GGT7: variants seen among roughly 807,000 people sequenced by gnomAD.
GGT7 encodes gamma-glutamyltransferase 7.
A neutral mutation model predicts 69.2 loss-of-function variants in GGT7; 30 were observed. That is an observed-to-expected ratio of 0.43 (90% CI 0.32 to 0.59). The LOEUF is 0.59. Ranked by LOEUF, GGT7 falls within the 20% of genes least tolerant of loss-of-function variation. The probability of loss-of-function intolerance (pLI) is 0.05; values close to 1 mark genes in which losing one functional copy is unlikely to be tolerated. For missense variants in GGT7, 733 were observed against 901.1 expected (o/e 0.81, Z 2.39); for synonymous variants, 388 against 391.8 (o/e 0.99, Z 0.12).
rs2079640683 is a variant in GGT7, at chr20:34,863,684, C to T, written c.170-136G>A. 2.7e-6 allele frequency: 2 copies of T among 745,592 alleles called. No individual in the cohort carries two copies. The highest frequency in any genetic ancestry group is 4.9e-6 in the Non-Finnish European group (2 of 411,676). The allele number at this position is 745,592 out of a possible 1,614,324, so 46.2% of individuals were successfully genotyped here. On this transcript the variant is annotated intron_variant, in intron 1 of 14. Coordinates refer to ENST00000336431, the MANE Select transcript of GGT7 (RefSeq NM_178026.3). This position sits in a 1 kb window ranked among gnomAD's most constrained non-coding sequence, Gnocchi z 4.4. ...GCACTGGCTAGCACTACTCACCTTT[C>T]CTCATTTTCGCGTGCACCCCAGGAC...
At chr20:34,857,681 G>A (rs1030406075) in intron 7 of GGT7, among the ~76,000 whole-genome samples, 1 of 142,580 alleles carries the variant, frequency 7.0e-6, no homozygotes, top group Non-Finnish European at 1.5e-5. Flanking sequence ...GCAGTGGCAC[G>A]ATCATGGCTC....
chr20:34,855,821 G>A (rs2079482755), intron 8 of GGT7, among the ~76,000 whole-genome samples: 2 of 151,608 alleles, frequency 1.3e-5, no homozygotes, highest in Non-Finnish European at 1.5e-5. Flanking sequence ...GTGTGATAAT[G>A]GTCTCACTCT....
intron 1 of GGT7, among the ~76,000 whole-genome samples, chr20:34,864,285 G>A (rs2079652947): frequency 6.6e-6 from 1 of 152,108 alleles, no homozygotes; most frequent in African/African-American, 2.4e-5. Context: ...GAGTATGTGT[G>A]TGGAATGTTC....
At chr20:34,862,210 G>A (rs190394581) in intron 3 of GGT7, among the ~76,000 whole-genome samples, 2 of 152,290 alleles carry the variant, frequency 1.3e-5, no homozygotes, top group Middle Eastern at 3.4e-3. Flanking sequence ...TCTATTCCAC[G>A]CCAGGTAACT....
rs2079466746 is a variant in GGT7 at position 34,854,921 on chromosome 20, G to A, written c.1105C>T (p.His369Tyr). The A allele has an allele frequency of 6.2e-7, 1 of 1,613,512 alleles. No homozygotes were observed. The highest frequency in any genetic ancestry group is 1.3e-5 in the African/African-American group (1 of 74,996). Residue 369 changes from histidine to tyrosine, a missense_variant and splice_region_variant, in exon 9 of 15, where the codon CAC (histidine) becomes TAC (tyrosine). Transcript: ENST00000336431. Reference protein sequence around the residue: ...EKPVCGVYRGHLVLSPPPPHT... With the variant: ...EKPVCGVYRGYLVLSPPPPHT... ...GGAGGTGGGGGACTAAGAACCAGGT[G>A]GCCTGAAAGGACAGGAAGTGACTGA...
chr20:34,869,312 C>G (rs1371121624), intron 1 of GGT7, among the ~76,000 whole-genome samples: 1 of 152,064 alleles, frequency 6.6e-6, no homozygotes, highest in East Asian at 1.9e-4. Flanking sequence ...GGACTACAGA[C>G]AGGCATGCAC....
intron 1 of GGT7, among the ~76,000 whole-genome samples, chr20:34,870,641 T>C (rs1374888042): frequency 6.6e-6 from 1 of 151,812 alleles, no homozygotes; most frequent in East Asian, 1.9e-4. Flanking sequence ...ATTTTTTTTT[T>C]TTGTATTTTT....
At chr20:34,859,375 T>A in intron 7 of GGT7, 68 bp downstream of exon 7, 1 of 1,242,330 alleles carries the variant, frequency 8.0e-7, no homozygotes, top group Non-Finnish European at 1.1e-6. Flanking sequence ...AAGGAAAAAA[T>A]GCGGACGCGG....
intron 1 of GGT7, among the ~76,000 whole-genome samples, chr20:34,865,430 T>G (rs925959288): frequency 6.6e-6 from 1 of 152,204 alleles, no homozygotes; most frequent in Non-Finnish European, 1.5e-5. Flanking sequence ...CCTCAAGTGA[T>G]CCACTCACCT....
rs2079526550 is a variant in GGT7 at position 34,858,194 on chromosome 20, A to C, written c.1014+1249T>G. Reference sequence around the variant, plus strand: ...GAAGGAAAAATGCTCTTTCTCTGGGATAGCTTGCTGGAAGGATGGCCTGAT... The same window carrying C: ...GAAGGAAAAATGCTCTTTCTCTGGGCTAGCTTGCTGGAAGGATGGCCTGAT... On this transcript the variant is annotated intron_variant, in intron 7 of 14. Transcript: ENST00000336431. 3.3e-5 allele frequency among the ~76,000 whole-genome samples: 5 copies of C among 152,284 alleles called. No individual in the cohort carries two copies. The South Asian group carries it at 1.0e-3, about 32-fold the overall frequency.
intron 7 of GGT7, 87 bp downstream of exon 7, chr20:34,859,356 G>C: frequency 1.1e-6 from 1 of 951,332 alleles, no homozygotes; most frequent in Non-Finnish European, 1.5e-6. Context: ...GGGAGGGAGG[G>C]AGGGAAGGAA....
chr20:34,850,520 G>A (rs41290904), intron 13 of GGT7, among the ~76,000 whole-genome samples: 3,336 of 152,202 alleles, frequency 0.022, 59 homozygotes, highest in Non-Finnish European at 0.034. Context: ...TCTGGGCTTC[G>A]GTTTCCTTAT....
At chr20:34,868,684 C>CAGT (rs1321422636) in intron 1 of GGT7, among the ~76,000 whole-genome samples, 1 of 152,166 alleles carries the variant, frequency 6.6e-6, no homozygotes, top group Non-Finnish European at 1.5e-5. Flanking sequence ...TACCTCTGTG[C>CAGT]AGTAACAGGC....
At chr20:34,852,675 A>T (rs2079418526) in intron 10 of GGT7, 137 bp from the exon 11 acceptor site, 1 of 688,606 alleles carries the variant, frequency 1.5e-6, no homozygotes, top group East Asian at 3.1e-5. Context: ...TGAGTGCAGA[A>T]GCTCATTAAT....
intron 14 of GGT7, among the ~76,000 whole-genome samples, chr20:34,847,133 G>T (rs913868051): frequency 5.3e-5 from 8 of 152,138 alleles, no homozygotes; most frequent in Admixed American, 2.6e-4. Flanking sequence ...TAAGCTTTTT[G>T]AAGTTAGGAA....
intron 1 of GGT7, among the ~76,000 whole-genome samples, chr20:34,870,618 C>T (rs1028380316): frequency 5.2e-4 from 79 of 151,602 alleles, no homozygotes; most frequent in African/African-American, 1.9e-3. Flanking sequence ...ACACCTGCCA[C>T]CAGGCCTGGC....
At chr20:34,859,947 C>G (rs1346410573) in intron 6 of GGT7, 22 bp downstream of exon 6, 4 of 1,495,878 alleles carry the variant, frequency 2.7e-6, no homozygotes, top group Non-Finnish European at 3.7e-6. Flanking sequence ...ATGTCTCTCC[C>G]AAATCCCCAG....
At chr20:34,862,298 T>C (rs2079610258) in intron 3 of GGT7, among the ~76,000 whole-genome samples, 1 of 152,238 alleles carries the variant, frequency 6.6e-6, no homozygotes, top group South Asian at 2.1e-4. Context: ...TCTGGATTTT[T>C]ATGAAAATTC....
chr20:34,862,268 T>C (rs1174630848), intron 3 of GGT7, among the ~76,000 whole-genome samples: 1 of 152,238 alleles, frequency 6.6e-6, no homozygotes, highest in Non-Finnish European at 1.5e-5. Context: ...ATTTCCCGAT[T>C]GTTCAAGAGA....
Sources: allele counts gnomAD v4.1 joint callset (sites outside exome capture counted in the v4.1 genomes callset), GRCh38; gene constraint gnomAD v4.1.1; non-coding constraint Gnocchi (gnomAD v3.1); transcripts MANE v1.5; gene names NCBI Gene and HGNC (gene_info 2026-07-23, HGNC 2026-07-21).